Variants in PRKCE observed in about 807,000 individuals in gnomAD.
PRKCE encodes the protein protein kinase C epsilon type.
A neutral mutation model predicts 85.4 loss-of-function variants in PRKCE; 16 were observed. The observed-to-expected ratio is 0.19, with a 90% CI of 0.13 to 0.28. The LOEUF is 0.28. PRKCE is among the 10% of genes least tolerant of loss of function. The probability of loss-of-function intolerance (pLI) is 1.00; values close to 1 mark genes in which losing one functional copy is unlikely to be tolerated. For missense variants in PRKCE, 573 were observed against 975.2 expected, an observed-to-expected ratio of 0.59 and a Z score of 5.49; for synonymous variants, 388 against 371.5, an observed-to-expected ratio of 1.04 and a Z score of -0.51.
chr2:46,157,132 C>G (rs1477147503), intron 13 of PRKCE, among the ~76,000 whole-genome samples: 2 of 152,188 alleles, frequency 1.3e-5, no homozygotes, highest in Non-Finnish European at 2.9e-5. Context: ...GCAGAGGACT[C>G]TCTTGGGTAA....
chr2:45,918,899 C>A (rs1698037515), intron 2 of PRKCE, among the ~76,000 whole-genome samples: 1 of 152,238 alleles, frequency 6.6e-6, no homozygotes, highest in Admixed American at 6.5e-5. Context: ...TCTCACAGCT[C>A]CTTTCACCAT....
chr2:46,113,512 G>T (rs1672464656), intron 11 of PRKCE, among the ~76,000 whole-genome samples: 1 of 152,208 alleles, frequency 6.6e-6, no homozygotes, highest in Admixed American at 6.5e-5. Flanking sequence ...GGTGCTCCCT[G>T]TGGCTCAGTC....
At chr2:45,943,286 T>A (rs1279872228) in intron 2 of PRKCE, among the ~76,000 whole-genome samples, 1 of 152,266 alleles carries the variant, frequency 6.6e-6, no homozygotes, top group Non-Finnish European at 1.5e-5. Flanking sequence ...GCAGTCATCA[T>A]GTGCAAAGCA....
At chr2:45,898,951 C>T (rs1573798883) in intron 2 of PRKCE, among the ~76,000 whole-genome samples, 2 of 152,296 alleles carry the variant, frequency 1.3e-5, no homozygotes, top group African/African-American at 4.8e-5. Flanking sequence ...AAAGCAGCCC[C>T]CAATCTTCTT....
At chr2:45,775,226 AT>A (rs1050758506) in intron 1 of PRKCE, among the ~76,000 whole-genome samples, 1 of 152,186 alleles carries the variant, frequency 6.6e-6, no homozygotes, top group Non-Finnish European at 1.5e-5. Context: ...TCCTGTGGTC[AT>A]TTGGTTAAAA....
At chr2:45,680,541 A>T (rs945937396) in intron 1 of PRKCE, among the ~76,000 whole-genome samples, 2 of 152,244 alleles carry the variant, frequency 1.3e-5, no homozygotes, top group African/African-American at 2.4e-5. Flanking sequence ...TGCTTGCGAC[A>T]TGGTGAACCA....
chr2:45,784,049 C>T (rs750323694), intron 1 of PRKCE, among the ~76,000 whole-genome samples: 1 of 152,270 alleles, frequency 6.6e-6, no homozygotes, highest in Non-Finnish European at 1.5e-5. Context: ...CCAATATCTT[C>T]TCTGGATGTC....
intron 2 of PRKCE, among the ~76,000 whole-genome samples, chr2:45,935,067 T>TCACACA (rs1553453521): frequency 0.089 from 13,078 of 146,262 alleles, 610 homozygotes; most frequent in Middle Eastern, 0.12. Flanking sequence ...ACTCTCTCTC[T>TCACACA]CACACACACA....
chr2:45,967,975 G>A (rs778736419), intron 2 of PRKCE, among the ~76,000 whole-genome samples: 1 of 152,186 alleles, frequency 6.6e-6, no homozygotes, highest in Admixed American at 6.5e-5. Flanking sequence ...CAGCACACCT[G>A]CCTGGGGAAA....
chr2:46,069,082 T>A (rs527850362), intron 10 of PRKCE, among the ~76,000 whole-genome samples: 2 of 152,370 alleles, frequency 1.3e-5, no homozygotes, highest in African/African-American at 4.8e-5. Context: ...TGCTTAGAAC[T>A]GGGGCTTGGT....
intron 2 of PRKCE, among the ~76,000 whole-genome samples, chr2:45,949,587 T>C (rs945887709): frequency 2.6e-5 from 4 of 152,096 alleles, no homozygotes; most frequent in African/African-American, 7.2e-5. Context: ...AGTTGGTGTT[T>C]GCTTTTTGCT....
chr2:45,879,117 C>T (rs1225008979), intron 2 of PRKCE, among the ~76,000 whole-genome samples: 1 of 152,164 alleles, frequency 6.6e-6, no homozygotes, highest in Non-Finnish European at 1.5e-5. Flanking sequence ...CCACCCTGCC[C>T]CTGCATCCTA....
At position 46,004,518 on chromosome 2, in the gene PRKCE, G is replaced by T. The variant is rs1241590276; in HGVS notation, c.967-24G>T. On this transcript the variant is annotated intron_variant, in intron 7 of 14. Coordinates refer to ENST00000306156, the MANE Select transcript of PRKCE (RefSeq NM_005400.3). The surrounding 1 kb of genome is among the most constrained non-coding windows in gnomAD (Gnocchi z 4.1). Reference sequence around the variant, plus strand: ...CTCAACCCTCCCTTCTGATGCCTCTGTCCCTGCTTTCTCTCCTCTCTAGCT... The same window carrying T: ...CTCAACCCTCCCTTCTGATGCCTCTTTCCCTGCTTTCTCTCCTCTCTAGCT... 6.5e-7 allele frequency: 1 copy of T among 1,549,822 alleles called. No homozygotes were observed. Among genetic ancestry groups the T allele is most frequent in the African/African-American group, 1.4e-5 (1 of 73,988 alleles).
At chr2:45,830,293 C>CGAGAGAGA (rs71912599) in intron 1 of PRKCE, among the ~76,000 whole-genome samples, 3 of 146,312 alleles carry the variant, frequency 2.1e-5, no homozygotes, top group African/African-American at 7.6e-5. Flanking sequence ...CAAAAACAAA[C>CGAGAGAGA]GAGAGAGAGA....
chr2:45,683,478 G>A (rs1572932145), intron 1 of PRKCE, among the ~76,000 whole-genome samples: 1 of 152,096 alleles, frequency 6.6e-6, no homozygotes, highest in East Asian at 1.9e-4. Flanking sequence ...GTAATACCCC[G>A]AGGAGTAAGG....
intron 1 of PRKCE, among the ~76,000 whole-genome samples, chr2:45,681,060 G>A (rs1358561423): frequency 6.6e-6 from 1 of 152,108 alleles, no homozygotes; most frequent in Non-Finnish European, 1.5e-5. Flanking sequence ...GGAGGCCGAG[G>A]TGGGTGGATC....
chr2:45,816,393 A>C (rs60094895), intron 1 of PRKCE, among the ~76,000 whole-genome samples: 32,203 of 151,918 alleles, frequency 0.21, 4,874 homozygotes, highest in African/African-American at 0.44. Context: ...TGGGAAAGCC[A>C]TCAGTGATTG....
At chr2:45,661,516 G>GTGTTTTGTTTTT (rs1675644343) in intron 1 of PRKCE, among the ~76,000 whole-genome samples, 1 of 121,156 alleles carries the variant, frequency 8.3e-6, no homozygotes, top group Non-Finnish European at 1.6e-5. Flanking sequence ...GTTTTGTTTT[G>GTGTTTTGTTTTT]TTTTTTGTTT....
chr2:45,830,022 G>A (rs934326548), intron 1 of PRKCE, among the ~76,000 whole-genome samples: 32 of 142,000 alleles, frequency 2.3e-4, no homozygotes, highest in African/African-American at 8.0e-4. Context: ...GCAGTGAGCC[G>A]AGATCGCGCC....
Sources: gnomAD v4.1 joint callset for allele counts (sites outside exome capture counted in the v4.1 genomes callset) on GRCh38, gnomAD v4.1.1 for gene constraint, Gnocchi (gnomAD v3.1) non-coding constraint, MANE v1.5 for transcripts, NCBI Gene and HGNC (gene_info 2026-07-23, HGNC 2026-07-21) for gene names.